The following UGGT2 variants were observed in gnomAD, a reference collection of about 807,000 sequenced individuals.
The protein encoded by UGGT2 is UDP-glucose glycoprotein glucosyltransferase 2.
Under a neutral mutation model 192.1 loss-of-function variants are expected in UGGT2, and 180 were observed. That is an observed-to-expected ratio of 0.94 (90% CI 0.83 to 1.06). The LOEUF is 1.06. UGGT2 is among the 50% of genes least tolerant of loss of function. The pLI, the probability that UGGT2 is intolerant of heterozygous loss-of-function variation, is 0.00. For missense variants in UGGT2, 1,849 were observed against 1,795.7 expected (o/e 1.03, Z -0.54); for synonymous variants, 580 against 591.0 (o/e 0.98, Z 0.27).
intron 1 of UGGT2, among the ~76,000 whole-genome samples, chr13:96,052,695 A>G (rs2053519733): frequency 6.6e-6 from 1 of 152,240 alleles, no homozygotes; most frequent in African/African-American, 2.4e-5. Context: ...ATGACAGGTC[A>G]TGAACTAATT....
intron 1 of UGGT2, among the ~76,000 whole-genome samples, chr13:96,052,523 T>C (rs1397180140): frequency 1.3e-5 from 2 of 152,068 alleles, no homozygotes; most frequent in Non-Finnish European, 2.9e-5. Flanking sequence ...TGTGGAGTCA[T>C]GGAGTCTCTT....
Position 95,801,716 on chromosome 13 carries a change from AG to A in UGGT2, c.*73del. ...AACGAGACTTCCAAATCGTCTCAGC[AG>A]GGGCTCCAGACTTCCCCAGCAGGCG... On this transcript the variant is annotated 3_prime_UTR_variant, in exon 39 of 39. Coordinates refer to ENST00000376747, the MANE Select transcript of UGGT2 (RefSeq NM_020121.4). 1 of 1,506,786 alleles carries A rather than the reference AG, an allele frequency of 6.6e-7. No individual in the cohort carries two copies. Among genetic ancestry groups the A allele is most frequent in the Non-Finnish European group, 9.1e-7 (1 of 1,097,906 alleles). 93.3% of individuals were successfully genotyped at this position (1,506,786 alleles called of 1,614,324 possible). A position where few individuals can be genotyped will look rare whatever the true frequency, so the allele number is the denominator to read the frequency against.
intron 12 of UGGT2, among the ~76,000 whole-genome samples, chr13:95,953,420 C>T (rs1463360574): frequency 6.6e-6 from 1 of 152,168 alleles, no homozygotes; most frequent in Non-Finnish European, 1.5e-5. Context: ...AATACCAGGG[C>T]ACTAGTGCCA....
chr13:95,867,670 C>T (rs901222783), intron 29 of UGGT2, among the ~76,000 whole-genome samples: 1 of 152,024 alleles, frequency 6.6e-6, no homozygotes, highest in Admixed American at 6.6e-5. Flanking sequence ...TCAATACTAC[C>T]CAATCACTCT....
intron 20 of UGGT2, among the ~76,000 whole-genome samples, chr13:95,914,176 T>C (rs60677558): frequency 0.37 from 55,117 of 150,958 alleles, 10,291 homozygotes; most frequent in Middle Eastern, 0.42. Flanking sequence ...CAGCAAACCA[T>C]CATGGCACAT....
At chr13:96,021,691 T>C (rs961100886) in intron 4 of UGGT2, among the ~76,000 whole-genome samples, 3 of 152,202 alleles carry the variant, frequency 2.0e-5, no homozygotes, top group Non-Finnish European at 2.9e-5. Flanking sequence ...AAAGAAGGTA[T>C]AATATTTCAA....
chr13:95,967,459 G>T (rs568769385), intron 12 of UGGT2, among the ~76,000 whole-genome samples: 1 of 140,232 alleles, frequency 7.1e-6, no homozygotes, highest in African/African-American at 2.7e-5. Context: ...GCCCCCACGC[G>T]CACCCCCAAC....
intron 7 of UGGT2, among the ~76,000 whole-genome samples, chr13:95,992,580 C>G (rs1351633775): frequency 1.3e-5 from 2 of 152,048 alleles, no homozygotes; most frequent in Non-Finnish European, 2.9e-5. Context: ...GTTTTAGGAG[C>G]CTTATGGCGG....
At chr13:96,039,467 T>A (rs887626273) in intron 1 of UGGT2, among the ~76,000 whole-genome samples, 2 of 152,114 alleles carry the variant, frequency 1.3e-5, no homozygotes, top group African/African-American at 4.8e-5. Flanking sequence ...AGGGGACCCA[T>A]GAATCACATG....
intron 1 of UGGT2, among the ~76,000 whole-genome samples, chr13:96,050,012 G>A (rs952165842): frequency 4.6e-5 from 7 of 152,084 alleles, no homozygotes; most frequent in African/African-American, 9.7e-5. Context: ...AAGAGAGCTC[G>A]CATTGCCAAG....
chr13:95,968,629 C>T (rs999328166), intron 12 of UGGT2, among the ~76,000 whole-genome samples: 1 of 152,152 alleles, frequency 6.6e-6, no homozygotes. Context: ...TACCTGCTCC[C>T]TCTCTGCCCT....
At chr13:96,012,633 A>G (rs2052197986) in intron 5 of UGGT2, among the ~76,000 whole-genome samples, 1 of 152,102 alleles carries the variant, frequency 6.6e-6, no homozygotes, top group Non-Finnish European at 1.5e-5. Flanking sequence ...ATTAAATATT[A>G]GTATATAAAT....
chr13:95,972,684 C>T lies in UGGT2; in HGVS notation c.1093-13G>A. 1 of 1,597,054 alleles carries T rather than the reference C, an allele frequency of 6.3e-7. No homozygotes were observed. Among genetic ancestry groups the T allele is most frequent in the Non-Finnish European group, 8.6e-7 (1 of 1,165,238 alleles). On this transcript the variant is annotated splice_polypyrimidine_tract_variant and intron_variant, in intron 10 of 38. Transcript: ENST00000376747. ...TAACTTGAAGATCCTTGAAGTAGAG[C>T]AAAGCAATAGTTAACCAGTGATAGA...
At chr13:96,000,516 A>C (rs1404904230) in intron 5 of UGGT2, among the ~76,000 whole-genome samples, 1 of 152,248 alleles carries the variant, frequency 6.6e-6, no homozygotes, top group Non-Finnish European at 1.5e-5. Flanking sequence ...GTTATTTCTA[A>C]TTACAGTAAT....
At chr13:95,934,848 T>C (rs1594375580) in intron 17 of UGGT2, among the ~76,000 whole-genome samples, 1 of 152,186 alleles carries the variant, frequency 6.6e-6, no homozygotes, top group African/African-American at 2.4e-5. Context: ...GTTAGTTCAA[T>C]AACAGTGGGT....
intron 20 of UGGT2, among the ~76,000 whole-genome samples, chr13:95,911,347 T>C (rs2048490542): frequency 6.6e-6 from 1 of 151,858 alleles, no homozygotes; most frequent in East Asian, 1.9e-4. Context: ...GCAAGACTAA[T>C]AAAGAAGAAA....
chr13:95,854,932 TATAA>T (rs1237830922), intron 34 of UGGT2, among the ~76,000 whole-genome samples: 1 of 151,860 alleles, frequency 6.6e-6, no homozygotes, highest in African/African-American at 2.4e-5. Context: ...AATAAAATAA[TATAA>T]ATGTTATTTT....
chr13:95,923,226 T>A (rs919566790), intron 20 of UGGT2, among the ~76,000 whole-genome samples: 3 of 152,260 alleles, frequency 2.0e-5, no homozygotes, highest in African/African-American at 4.8e-5. Flanking sequence ...TAATTGTTTT[T>A]AAAAAAATTT....
intron 1 of UGGT2, among the ~76,000 whole-genome samples, chr13:96,047,241 C>T (rs1357063096): frequency 6.6e-6 from 1 of 152,204 alleles, no homozygotes; most frequent in Non-Finnish European, 1.5e-5. Context: ...ACTGACACCT[C>T]ATACAGCCGG....
Sources: allele counts gnomAD v4.1 joint callset (sites outside exome capture counted in the v4.1 genomes callset), GRCh38; gene constraint gnomAD v4.1.1; transcripts MANE v1.5; gene names NCBI Gene and HGNC (gene_info 2026-07-23, HGNC 2026-07-21).